SLC41A1: variants seen among roughly 807,000 people sequenced by gnomAD.
The protein encoded by SLC41A1 is solute carrier family 41 (magnesium transporter), member 1.
A neutral mutation model predicts 47.3 loss-of-function variants in SLC41A1; 20 were observed. That is an observed-to-expected ratio of 0.42 (90% CI 0.30 to 0.61). The LOEUF is 0.61. SLC41A1 is among the 20% of genes least tolerant of loss of function. SLC41A1 has a pLI of 0.17. For synonymous variants in SLC41A1, 282 were observed against 272.7 expected, an observed-to-expected ratio of 1.03 and a Z score of -0.34; for missense variants, 504 against 674.1, an observed-to-expected ratio of 0.75 and a Z score of 2.79.
At chr1:205,803,025 C>T (rs371188920) in intron 2 of SLC41A1, among the ~76,000 whole-genome samples, 57 of 152,038 alleles carry the variant, frequency 3.7e-4, no homozygotes, top group South Asian at 1.7e-3. Context: ...AAAAATTAGC[C>T]GGGAATGGTG....
rs1203289927 is a variant in SLC41A1, at chr1:205,810,398, C to T, written c.44G>A (p.Gly15Glu). Residue 15 changes from glycine to glutamate, a missense_variant, in exon 2 of 11, where the codon GGG becomes GAG. Physicochemically the swap from Gly to Glu is moderately conservative, Grantham distance 98. This residue lies in a region of SLC41A1 where 83 missense variants were observed against 72.5 expected (regional missense o/e 1.15). Coordinates refer to ENST00000367137, the MANE Select transcript of SLC41A1 (RefSeq NM_173854.6). The surrounding 1 kb of genome is among the most constrained non-coding windows in gnomAD (Gnocchi z 5.5). ...PEPKDVHQLNGTGPSASPCSS... is the reference protein window; with the variant it reads ...PEPKDVHQLNETGPSASPCSS... ...GCAGGGAGAGGCAGAAGGGCCAGTCCCGTTCAGTTGGTGGACGTCCTTCGG... is the reference window on the plus strand; with the variant it reads ...GCAGGGAGAGGCAGAAGGGCCAGTCTCGTTCAGTTGGTGGACGTCCTTCGG... 3 of 1,614,114 alleles carry T rather than the reference C, an allele frequency of 1.9e-6. No homozygotes were observed. Among genetic ancestry groups the T allele is most frequent in the South Asian group, 1.1e-5 (1 of 91,080 alleles).
intron 2 of SLC41A1, among the ~76,000 whole-genome samples, chr1:205,808,552 C>T (rs1656068738): frequency 6.6e-6 from 1 of 152,182 alleles, no homozygotes; most frequent in African/African-American, 2.4e-5. Flanking sequence ...CAGAATGCAA[C>T]AACTTCAAGA....
At chr1:205,798,851 A>C in intron 5 of SLC41A1, 36 bp from the exon 6 acceptor site, 1 of 1,614,194 alleles carries the variant, frequency 6.2e-7, no homozygotes, top group Non-Finnish European at 8.5e-7. Flanking sequence ...AGGCAGGGTG[A>C]GAAGAGATAA....
chr1:205,804,344 G>C (rs1655965069), intron 2 of SLC41A1, among the ~76,000 whole-genome samples: 1 of 152,110 alleles, frequency 6.6e-6, no homozygotes, highest in Non-Finnish European at 1.5e-5. Context: ...GCTTGCCTGA[G>C]CTTCTGGTCT....
chr1:205,789,115 T>C lies in SLC41A1; in HGVS notation c.*2418A>G, dbSNP rs555088150. 21 of 152,316 alleles carry C rather than the reference T, an allele frequency of 1.4e-4. No homozygotes were observed. The highest frequency in any genetic ancestry group is 5.1e-4 in the African/African-American group (21 of 41,544). The allele number at this position is 152,316 out of a possible 1,614,324, so 9.4% of individuals were successfully genotyped here. ...CCATCTAAATAAACGTCCTCTTTAT[T>C]TTACCAAATATAATTTATCAGTTAA... On this transcript the variant is annotated 3_prime_UTR_variant, in exon 11 of 11. Transcript: ENST00000367137.
At chr1:205,803,531 A>G (rs564445709) in intron 2 of SLC41A1, among the ~76,000 whole-genome samples, 1 of 152,322 alleles carries the variant, frequency 6.6e-6, no homozygotes, top group Non-Finnish European at 1.5e-5. Context: ...ATGCCACAAC[A>G]TGGATGAACC....
intron 2 of SLC41A1, among the ~76,000 whole-genome samples, chr1:205,803,334 T>C (rs907142098): frequency 6.6e-6 from 1 of 152,152 alleles, no homozygotes; most frequent in African/African-American, 2.4e-5. Flanking sequence ...TCCAAAAGAA[T>C]AGAAAGCAAG....
In SLC41A1 at chr1:205,791,524, G is replaced by C. The variant is rs768008969; in HGVS notation, c.*9C>G. ...TGCAGAGGGATGGGGAAAATGTTGA[G>C]TGACCAAGCTAGTCCCCGACATCCG... On this transcript the variant is annotated 3_prime_UTR_variant, in exon 11 of 11. Coordinates refer to ENST00000367137, the MANE Select transcript of SLC41A1 (RefSeq NM_173854.6). The surrounding 1 kb of genome is among the most constrained non-coding windows in gnomAD (Gnocchi z 4.0). 2 of 1,614,100 alleles carry C rather than the reference G, an allele frequency of 1.2e-6. No homozygotes were observed. Among genetic ancestry groups the C allele is most frequent in the Non-Finnish European group, 1.7e-6 (2 of 1,180,012 alleles).
Position 205,791,746 on chromosome 1 carries a change from A to T in SLC41A1, c.1357-28T>A, listed in dbSNP as rs766740546. On this transcript the variant is annotated intron_variant, in intron 10 of 10. Coordinates refer to ENST00000367137, the MANE Select transcript of SLC41A1 (RefSeq NM_173854.6). The surrounding 1 kb of genome is among the most constrained non-coding windows in gnomAD (Gnocchi z 4.0). ...GGGGAGACAAAAGGGCCCAGCCTAT[A>T]GCCATCCTCTCTCTCCAGGGGGAGC... is the stretch of plus-strand genomic sequence containing the variant. 5.6e-6 allele frequency: 9 copies of T among 1,611,022 alleles called. No individual in the cohort carries two copies. Among genetic ancestry groups the T allele is most frequent in the Non-Finnish European group, 7.6e-6 (9 of 1,179,328 alleles).
In SLC41A1 at chr1:205,812,924, C is replaced by T. The variant is rs1656194294; in HGVS notation, c.-763G>A. 2.0e-6 allele frequency: 2 copies of T among 985,620 alleles called. No individual in the cohort carries two copies. Among genetic ancestry groups the T allele is most frequent in the Middle Eastern group, 5.2e-4 (1 of 1,916 alleles). 61.1% of individuals were successfully genotyped at this position (985,620 alleles called of 1,614,324 possible). On this transcript the variant is annotated 5_prime_UTR_variant, in exon 1 of 11. Coordinates refer to ENST00000367137, the MANE Select transcript of SLC41A1 (RefSeq NM_173854.6). ...CTCCTCCTCGACAGTCCTCCTTGGC[C>T]CCCGGCGTGCCCCCCCACACCCCCA... is the stretch of plus-strand genomic sequence containing the variant.
At position 205,796,923 on chromosome 1, in the gene SLC41A1, C is replaced by T. The variant is rs754165804; in HGVS notation, c.1072+1G>A. 1 of 1,612,248 alleles carries T rather than the reference C, an allele frequency of 6.2e-7. No individual in the cohort carries two copies. The highest frequency in any genetic ancestry group is 1.1e-5 in the South Asian group (1 of 90,420). On this transcript the variant is annotated splice_donor_variant, in intron 8 of 10. Coordinates refer to ENST00000367137, the MANE Select transcript of SLC41A1 (RefSeq NM_173854.6). LOFTEE classifies it high-confidence loss of function. ...TCTGATAGCTGATGCCCAGACCTCA[C>T]CATTAATCACAGGCGTGAAGACAGC...
In SLC41A1 at chr1:205,790,719, A is replaced by G. The variant is rs1655606367; in HGVS notation, c.*814T>C. ...TGAGATGAAGGTTGAAGAGAGACAA[A>G]GAATCTGGGCCCAGGGAGACAAAGT... On this transcript the variant is annotated 3_prime_UTR_variant, in exon 11 of 11. Transcript: ENST00000367137. The G allele has an allele frequency of 6.6e-6, 1 of 152,328 alleles. No individual in the cohort carries two copies. The highest frequency in any genetic ancestry group is 1.5e-5 in the Non-Finnish European group (1 of 68,104). 9.4% of individuals were successfully genotyped at this position (152,328 alleles called of 1,614,324 possible).
In SLC41A1 at chr1:205,791,007, G is replaced by A. The variant is rs567302440; in HGVS notation, c.*526C>T. ...ACAGAACTGGGATCACAGGGGCCTG[G>A]AGCAGGTGTCTCCTGTCCAGAGCTT... On this transcript the variant is annotated 3_prime_UTR_variant, in exon 11 of 11. Transcript: ENST00000367137. This position sits in a 1 kb window ranked among gnomAD's most constrained non-coding sequence, Gnocchi z 4.0. The A allele has an allele frequency of 1.6e-5, 3 of 192,810 alleles. No homozygotes were observed. Among genetic ancestry groups the A allele is most frequent in the African/African-American group, 7.1e-5 (3 of 42,112 alleles). The allele number at this position is 192,810 out of a possible 1,614,324, so 11.9% of individuals were successfully genotyped here. A position where few individuals can be genotyped will look rare whatever the true frequency, so the allele number is the denominator to read the frequency against.
chr1:205,812,697 A>G (rs1489089964), intron 1 of SLC41A1, 111 bp downstream of exon 1: 17 of 971,826 alleles, frequency 1.7e-5, no homozygotes, highest in Non-Finnish European at 2.1e-5. Flanking sequence ...AGAGAAAGTA[A>G]CTGGGTGGCC....
intron 7 of SLC41A1, 119 bp downstream of exon 7, chr1:205,797,785 G>T: frequency 7.7e-7 from 1 of 1,293,852 alleles, no homozygotes; most frequent in Non-Finnish European, 1.1e-6. Context: ...ACATGTGACT[G>T]AAACACTAAT....
chr1:205,806,310 G>A (rs1656013491), intron 2 of SLC41A1, among the ~76,000 whole-genome samples: 1 of 152,210 alleles, frequency 6.6e-6, no homozygotes, highest in Non-Finnish European at 1.5e-5. Context: ...GGCACAGGAG[G>A]AATACTTCCT....
At chr1:205,796,888 A>C in intron 8 of SLC41A1, 36 bp downstream of exon 8, 1 of 1,598,886 alleles carries the variant, frequency 6.3e-7, no homozygotes, top group South Asian at 1.1e-5. Flanking sequence ...TCCTTCCCCC[A>C]GCCCTGCCCT....
intron 7 of SLC41A1, among the ~76,000 whole-genome samples, chr1:205,797,584 G>C (rs146862443): frequency 6.6e-6 from 1 of 152,344 alleles, no homozygotes; most frequent in Non-Finnish European, 1.5e-5. Context: ...GAATTTGTAG[G>C]AGTAAGAAAA....
chr1:205,808,990 T>C (rs1390832167), intron 2 of SLC41A1, among the ~76,000 whole-genome samples: 1 of 152,198 alleles, frequency 6.6e-6, no homozygotes. Context: ...CTAAGCTTCG[T>C]GTCCTTCTGG....
Sources: allele counts gnomAD v4.1 joint callset (sites outside exome capture counted in the v4.1 genomes callset), GRCh38; gene constraint gnomAD v4.1.1; regional missense constraint gnomAD v4.1.1; non-coding constraint Gnocchi (gnomAD v3.1); transcripts MANE v1.5; gene names NCBI Gene and HGNC (gene_info 2026-07-23, HGNC 2026-07-21).